ALKBH3: variants seen among roughly 807,000 people sequenced by gnomAD.
The protein encoded by ALKBH3 is alpha-ketoglutarate-dependent dioxygenase alkB homolog 3.
A neutral mutation model predicts 43.9 loss-of-function variants in ALKBH3; 51 were observed. That is an observed-to-expected ratio of 1.16 (90% CI 0.93 to 1.47). The LOEUF (loss-of-function observed/expected upper bound fraction) is 1.47. Ranked by LOEUF, ALKBH3 falls within the 40% of genes most tolerant of loss-of-function variation. The pLI, the probability that ALKBH3 is intolerant of heterozygous loss-of-function variation, is 0.00. For missense variants in ALKBH3, 361 were observed against 351.9 expected, an observed-to-expected ratio of 1.03 and a Z score of -0.21; for synonymous variants, 102 against 115.2, an observed-to-expected ratio of 0.89 and a Z score of 0.73.
intron 2 of ALKBH3, 86 bp from the exon 3 acceptor site, chr11:43,882,999 A>G: frequency 9.3e-7 from 1 of 1,071,336 alleles, no homozygotes; most frequent in African/African-American, 1.6e-5. Context: ...GATCATCTCC[A>G]AGTGGGCTTT....
intron 6 of ALKBH3, among the ~76,000 whole-genome samples, chr11:43,891,766 C>T: frequency 6.6e-6 from 1 of 152,124 alleles, no homozygotes. Context: ...GACTCTTTGC[C>T]CTCTCTTGTT....
chr11:43,895,867 T>C (rs372839008), intron 7 of ALKBH3, among the ~76,000 whole-genome samples: 20 of 152,316 alleles, frequency 1.3e-4, no homozygotes, highest in African/African-American at 4.8e-4. Context: ...TTTAAGAATG[T>C]CTATTGATGA....
rs193274955 is a variant in ALKBH3 at position 43,907,621 on chromosome 11, A to C, written c.669+5896A>C. 2.6e-5 allele frequency among the ~76,000 whole-genome samples: 4 copies of C among 152,128 alleles called. No homozygotes were observed. The East Asian group carries it at 7.7e-4, about 29-fold the overall frequency. On this transcript the variant is annotated intron_variant, in intron 8 of 9. Coordinates refer to ENST00000302708, the MANE Select transcript of ALKBH3 (RefSeq NM_139178.4). Reference sequence around the variant, plus strand: ...CATCTGGTATCTGGTGATTTTTTTCATCTTTCACAAGTCACATTTTCATGG... The same window carrying C: ...CATCTGGTATCTGGTGATTTTTTTCCTCTTTCACAAGTCACATTTTCATGG...
Position 43,920,186 on chromosome 11 carries a change from G to T in ALKBH3, c.*176G>T. The T allele has an allele frequency of 1.7e-6, 1 of 594,356 alleles. No individual in the cohort carries two copies. Among genetic ancestry groups the T allele is most frequent in the Non-Finnish European group, 3.0e-6 (1 of 335,352 alleles). 36.8% of individuals were successfully genotyped at this position (594,356 alleles called of 1,614,324 possible). ...AGCCAGCAACTCATGTTGGTAATAG[G>T]TCTACTGTGGGAACAGTTATCCCTA... On this transcript the variant is annotated 3_prime_UTR_variant, in exon 10 of 10. Coordinates refer to ENST00000302708, the MANE Select transcript of ALKBH3 (RefSeq NM_139178.4).
At chr11:43,893,035 A>T (rs1287668993) in intron 7 of ALKBH3, among the ~76,000 whole-genome samples, 1 of 152,220 alleles carries the variant, frequency 6.6e-6, no homozygotes, top group Non-Finnish European at 1.5e-5. Context: ...GAGATAATAG[A>T]ATTAGGCCAG....
chr11:43,903,157 G>A (rs1590375700), intron 8 of ALKBH3, among the ~76,000 whole-genome samples: 1 of 152,132 alleles, frequency 6.6e-6, no homozygotes, highest in African/African-American at 2.4e-5. Flanking sequence ...CATTGTTAGG[G>A]GATTGGTAGT....
At chr11:43,914,385 G>C (rs1293619986) in intron 8 of ALKBH3, among the ~76,000 whole-genome samples, 1 of 152,190 alleles carries the variant, frequency 6.6e-6, no homozygotes, top group African/African-American at 2.4e-5. Flanking sequence ...AGTGCCTGAT[G>C]TGCCTGGCAC....
chr11:43,882,499 T>G (rs1452406274), intron 1 of ALKBH3, 84 bp from the exon 2 acceptor site: 6 of 584,250 alleles, frequency 1.0e-5, no homozygotes, highest in Non-Finnish European at 1.8e-5. Context: ...ATTGAGAGTC[T>G]TCTGCCTGAA....
At chr11:43,887,544 A>G (rs181763111) in intron 5 of ALKBH3, among the ~76,000 whole-genome samples, 25 of 152,218 alleles carry the variant, frequency 1.6e-4, no homozygotes, top group Admixed American at 1.1e-3. Context: ...TCCTGACCTC[A>G]GGTGATCCAC....
At chr11:43,904,595 A>T (rs559177388) in intron 8 of ALKBH3, among the ~76,000 whole-genome samples, 1 of 152,310 alleles carries the variant, frequency 6.6e-6, no homozygotes, top group South Asian at 2.1e-4. Context: ...ATTTCCAAAA[A>T]CCTGGGGCTC....
chr11:43,917,552 A>G (rs1236583413), intron 8 of ALKBH3, among the ~76,000 whole-genome samples: 21 of 152,204 alleles, frequency 1.4e-4, no homozygotes, highest in Admixed American at 1.3e-3. Context: ...TATACAGCCT[A>G]AATTAAGGAG....
intron 7 of ALKBH3, among the ~76,000 whole-genome samples, chr11:43,896,694 G>A (rs1951821388): frequency 6.6e-6 from 1 of 152,108 alleles, no homozygotes; most frequent in South Asian, 2.1e-4. Context: ...AACCATCACA[G>A]TCACTTTGAG....
chr11:43,882,953 T>G (rs1334771671), intron 2 of ALKBH3, 132 bp from the exon 3 acceptor site: 3 of 841,446 alleles, frequency 3.6e-6, no homozygotes, highest in Non-Finnish European at 5.6e-6. Context: ...CAGTATCTTC[T>G]GTTGACTTTA....
chr11:43,917,484 G>A (rs1398229302), intron 8 of ALKBH3, among the ~76,000 whole-genome samples: 2 of 152,188 alleles, frequency 1.3e-5, no homozygotes, highest in Non-Finnish European at 2.9e-5. Flanking sequence ...TGATTATGTA[G>A]AGGGTAGCAG....
At chr11:43,890,723 G>T (rs1180202097) in intron 6 of ALKBH3, among the ~76,000 whole-genome samples, 1 of 152,066 alleles carries the variant, frequency 6.6e-6, no homozygotes, top group Non-Finnish European at 1.5e-5. Flanking sequence ...AATTAGCCAG[G>T]CATGGTGGTG....
rs368539981 is a variant in ALKBH3 at position 43,901,594 on chromosome 11, C to T, written c.538C>T (p.Leu180Phe). 2.2e-5 allele frequency: 35 copies of T among 1,614,142 alleles called. No homozygotes were observed. In the African/African-American group the frequency reaches 4.4e-4, roughly 20 times the overall value. ...CACCTTCAACTCCTTACTCTGCAATCTTTATCGCAATGAGAAGGACAGCGT... is the reference window on the plus strand; with the variant it reads ...CACCTTCAACTCCTTACTCTGCAATTTTTATCGCAATGAGAAGGACAGCGT... ...GHTFNSLLCNLYRNEKDSVDW... is the reference protein window; with the variant it reads ...GHTFNSLLCNFYRNEKDSVDW... The change falls in exon 8 of 10, where the codon CTT becomes TTT. Residue 180 changes from leucine (L) to phenylalanine (F), a missense_variant. Leu to Phe is a conservative substitution (Grantham distance 22). Coordinates refer to ENST00000302708, the MANE Select transcript of ALKBH3 (RefSeq NM_139178.4).
At chr11:43,899,493 G>A in intron 7 of ALKBH3, 1 of 704,178 alleles carries the variant, frequency 1.4e-6, no homozygotes, top group Non-Finnish European at 2.6e-6. Context: ...AGCCACAGTG[G>A]CTTCTCCCAG....
chr11:43,898,521 G>A, intron 7 of ALKBH3: 1 of 885,476 alleles, frequency 1.1e-6, no homozygotes, highest in Non-Finnish European at 1.9e-6. Context: ...AAGCCCTGCT[G>A]AGATACGTTC....
intron 8 of ALKBH3, among the ~76,000 whole-genome samples, chr11:43,917,627 T>C (rs1197813512): frequency 6.6e-6 from 1 of 152,014 alleles, no homozygotes; most frequent in Non-Finnish European, 1.5e-5. Flanking sequence ...AGTAGGACCA[T>C]GTGTCTCCTC....
Sources: allele counts gnomAD v4.1 joint callset (sites outside exome capture counted in the v4.1 genomes callset), GRCh38; gene constraint gnomAD v4.1.1; transcripts MANE v1.5; gene names NCBI Gene and HGNC (gene_info 2026-07-23, HGNC 2026-07-21).